Variants in DIPK2A observed in about 807,000 individuals in gnomAD.
DIPK2A encodes the protein Golgi Protein of 49 kDa.
Under a neutral mutation model 39.0 loss-of-function variants are expected in DIPK2A, and 27 were observed. The ratio of observed to expected loss-of-function variants is 0.69; its 90% confidence interval spans 0.51 to 0.96. The LOEUF (loss-of-function observed/expected upper bound fraction) is 0.96. Ranked by LOEUF, DIPK2A falls within the 40% of genes least tolerant of loss-of-function variation. DIPK2A has a pLI of 0.00. For synonymous variants in DIPK2A, 298 were observed against 240.8 expected (o/e 1.24, Z -2.20); for missense variants, 528 against 571.3 (o/e 0.92, Z 0.77).
rs538549855 is a variant in DIPK2A at position 143,980,386 on chromosome 3, G to A, written c.658-5157G>A. 7.9e-5 allele frequency among the ~76,000 whole-genome samples: 12 copies of A among 152,170 alleles called. No individual in the cohort carries two copies. The East Asian group carries it at 1.2e-3, about 15-fold the overall frequency. On this transcript the variant is annotated intron_variant, in intron 1 of 2. Coordinates refer to ENST00000315691, the MANE Select transcript of DIPK2A (RefSeq NM_173552.5). ...GGGTTCAAGCAATTCTCCTGCCTCA[G>A]CCTCCCGAGTAGCTGGGATTACAGG...
chr3:143,987,011 C>T (rs1172323966), intron 2 of DIPK2A, among the ~76,000 whole-genome samples: 2 of 152,106 alleles, frequency 1.3e-5, no homozygotes, highest in African/African-American at 2.4e-5. Flanking sequence ...TGGCATGATC[C>T]TATTAAATAC....
At chr3:143,976,739 A>G (rs1179550934) in intron 1 of DIPK2A, among the ~76,000 whole-genome samples, 1 of 152,018 alleles carries the variant, frequency 6.6e-6, no homozygotes, top group East Asian at 1.9e-4. Flanking sequence ...CATTTGCCTT[A>G]AATTTTCTGA....
chr3:143,986,652 G>A (rs1026328092), intron 2 of DIPK2A, among the ~76,000 whole-genome samples: 1 of 151,538 alleles, frequency 6.6e-6, no homozygotes, highest in Non-Finnish European at 1.5e-5. Flanking sequence ...TGAACCCCAG[G>A]GGGCGGAGCC....
rs1559852252 is a variant in DIPK2A, at chr3:143,973,264, CTT to C, written c.657+276_657+277del. 4 of 1,337,358 alleles carry C rather than the reference CTT, an allele frequency of 3.0e-6. No individual in the cohort carries two copies. The South Asian group carries it at 3.8e-5, about 13-fold the overall frequency. 82.8% of individuals were successfully genotyped at this position (1,337,358 alleles called of 1,614,324 possible). A position where few individuals can be genotyped will look rare whatever the true frequency, so the allele number is the denominator to read the frequency against. ...TTTCAACGCCAGAGGGAGTGCGTCT[CTT>C]AACACTCCCCAAAATGTCTCTACTG... is the stretch of plus-strand genomic sequence containing the variant. On this transcript the variant is annotated intron_variant, in intron 1 of 2. Coordinates refer to ENST00000315691, the MANE Select transcript of DIPK2A (RefSeq NM_173552.5).
chr3:143,974,301 G>T (rs944407604), intron 1 of DIPK2A, among the ~76,000 whole-genome samples: 1 of 152,096 alleles, frequency 6.6e-6, no homozygotes, highest in Non-Finnish European at 1.5e-5. Context: ...TTTAGTGTGG[G>T]TCTTAGTAAA....
At chr3:143,983,960 C>G (rs1006513432) in intron 1 of DIPK2A, among the ~76,000 whole-genome samples, 1 of 152,224 alleles carries the variant, frequency 6.6e-6, no homozygotes, top group African/African-American at 2.4e-5. Context: ...GCTAGATCTT[C>G]TGGATAATTT....
intron 1 of DIPK2A, among the ~76,000 whole-genome samples, chr3:143,977,235 C>T (rs944966818): frequency 6.4e-4 from 98 of 152,082 alleles, no homozygotes; most frequent in Non-Finnish European, 1.8e-4. Flanking sequence ...ATTGGACTCA[C>T]TTCCTTCTTT....
chr3:143,973,288 A>C (rs1168597111), intron 1 of DIPK2A: 1 of 1,473,200 alleles, frequency 6.8e-7, no homozygotes, highest in Admixed American at 2.0e-5. Flanking sequence ...AAATGTCTCT[A>C]CTGCGAGTTT....
At chr3:143,989,143 T>G (rs893025100) in intron 2 of DIPK2A, among the ~76,000 whole-genome samples, 1 of 152,220 alleles carries the variant, frequency 6.6e-6, no homozygotes. Flanking sequence ...TTGTTTTCTT[T>G]TAAGACCTAA....
Position 143,976,529 on chromosome 3 carries a change from A to AGT in DIPK2A, c.657+3541_657+3542insTG, listed in dbSNP as rs1339190658. Among the ~76,000 whole-genome samples, 25 of 112,256 alleles carry AGT rather than the reference A, an allele frequency of 2.2e-4. 1 individual carries two copies. Among genetic ancestry groups the AGT allele is most frequent in the African/African-American group, 1.0e-3 (21 of 20,590 alleles). The allele number at this position is 112,256 out of a possible 152,430, so 73.6% of individuals were successfully genotyped here. On this transcript the variant is annotated intron_variant, in intron 1 of 2. Transcript: ENST00000315691. Reference sequence around the variant, plus strand: ...TAACCTATTGAATTTACAGAAAGGGAGAGTGTGTGTGTGTGTGTGTGTGTG... The same window carrying AGT: ...TAACCTATTGAATTTACAGAAAGGGAGTGAGTGTGTGTGTGTGTGTGTGTGTG...
chr3:143,990,426 G>GTTTTTTTTTTT lies in DIPK2A; in HGVS notation c.*593_*603dup, dbSNP rs368566375. ...AGGGCAGGATTCCCAGGTTTACTGT[G>GTTTTTTTTTTT]TTTTTTTTTTTTTTTTTTAAAGAAA... On this transcript the variant is annotated 3_prime_UTR_variant, in exon 3 of 3. Coordinates refer to ENST00000315691, the MANE Select transcript of DIPK2A (RefSeq NM_173552.5). The GTTTTTTTTTTT allele has an allele frequency of 1.0e-5, 1 of 96,682 alleles. No individual in the cohort carries two copies. The highest frequency in any genetic ancestry group is 2.3e-5 in the Non-Finnish European group (1 of 44,332). The allele number at this position is 96,682 out of a possible 1,614,324, so 6.0% of individuals were successfully genotyped here.
rs1248168131 is a variant in DIPK2A at position 143,973,336 on chromosome 3, C to T, written c.657+347C>T. 4.5e-6 allele frequency: 7 copies of T among 1,540,930 alleles called. No homozygotes were observed. In the Admixed American group the frequency reaches 7.9e-5, roughly 17 times the overall value. On this transcript the variant is annotated intron_variant, in intron 1 of 2. Transcript: ENST00000315691. ...TACCCTGCCTTTCTGCTTTTATCTG[C>T]CGGGGCTTGCAGGTCCGCGGCGCAG... is the stretch of plus-strand genomic sequence containing the variant.
chr3:143,972,232 C>T lies in DIPK2A; in HGVS notation c.-101C>T. ...TCCGCCCCAGCCCGCGCGCTAGCTC[C>T]TTCTCTCGCCCGGGGTTCCTGCCGG... On this transcript the variant is annotated 5_prime_UTR_variant, in exon 1 of 3. Coordinates refer to ENST00000315691, the MANE Select transcript of DIPK2A (RefSeq NM_173552.5). The T allele has an allele frequency of 4.4e-6, 5 of 1,148,352 alleles. No individual in the cohort carries two copies. The highest frequency in any genetic ancestry group is 5.7e-6 in the Non-Finnish European group (5 of 878,476). The allele number at this position is 1,148,352 out of a possible 1,614,324, so 71.1% of individuals were successfully genotyped here.
At chr3:143,976,976 G>A (rs2087739845) in intron 1 of DIPK2A, among the ~76,000 whole-genome samples, 1 of 151,894 alleles carries the variant, frequency 6.6e-6, no homozygotes, top group Non-Finnish European at 1.5e-5. Context: ...CTCATTTGGG[G>A]TATGGATCAC....
Position 143,989,862 on chromosome 3 carries a change from T to C in DIPK2A, c.*21T>C. The C allele has an allele frequency of 6.3e-7, 1 of 1,580,070 alleles. No individual in the cohort carries two copies. Among genetic ancestry groups the C allele is most frequent in the Non-Finnish European group, 8.7e-7 (1 of 1,155,434 alleles). On this transcript the variant is annotated 3_prime_UTR_variant, in exon 3 of 3. Coordinates refer to ENST00000315691, the MANE Select transcript of DIPK2A (RefSeq NM_173552.5). Reference sequence around the variant, plus strand: ...GGTAGTCTATGGTGAACTTTTCTTTTTTTCTCCATTTAAACAGCACTGGCT... The same window carrying C: ...GGTAGTCTATGGTGAACTTTTCTTTCTTTCTCCATTTAAACAGCACTGGCT...
intron 1 of DIPK2A, among the ~76,000 whole-genome samples, chr3:143,975,529 T>A (rs2087716879): frequency 6.6e-6 from 1 of 152,124 alleles, no homozygotes; most frequent in Non-Finnish European, 1.5e-5. Flanking sequence ...TGCTGTACAG[T>A]AAGTCAAACC....
At position 143,990,580 on chromosome 3, in the gene DIPK2A, T is replaced by A. The variant is rs1324076547; in HGVS notation, c.*739T>A. The A allele has an allele frequency of 6.6e-6, 1 of 152,534 alleles. No individual in the cohort carries two copies. The highest frequency in any genetic ancestry group is 2.4e-5 in the African/African-American group (1 of 41,440). The allele number at this position is 152,534 out of a possible 1,614,324, so 9.4% of individuals were successfully genotyped here. On this transcript the variant is annotated 3_prime_UTR_variant, in exon 3 of 3. Transcript: ENST00000315691. ...AATAATTAGAAGTGTACACTAAACA[T>A]GAAGTTTGGCATATGTTGCAAAATG... is the stretch of plus-strand genomic sequence containing the variant.
Position 143,972,564 on chromosome 3 carries a change from G to T in DIPK2A, c.232G>T (p.Gly78Cys). Residue 78 changes from glycine to cysteine, a missense_variant, in exon 1 of 3, where the codon GGC becomes TGC. This residue lies in a region of DIPK2A where 309 missense variants were observed against 289.8 expected (regional missense o/e 1.07). Transcript: ENST00000315691. ...CGGGCAGGTGGTATTCGAGGCGTGG[G>T]GCCGCTTGCGCCTGCTGGACTTCCT... is the stretch of plus-strand genomic sequence containing the variant. ...LNGQVVFEAWGRLRLLDFLNV... is the reference protein window; with the variant it reads ...LNGQVVFEAWCRLRLLDFLNV... 1 of 1,612,324 alleles carries T rather than the reference G, an allele frequency of 6.2e-7. No individual in the cohort carries two copies.
Position 143,989,568 on chromosome 3 carries a change from G to A in DIPK2A, c.1020G>A (p.Glu340=). The A allele has an allele frequency of 6.2e-7, 1 of 1,614,148 alleles. No homozygotes were observed. The part of the protein sequence containing the change: ...YESKFDDCDK[E]ACLSFSKEIL... ...GCAAGTTTGATGACTGTGATAAGGA[G>A]GCTTGCTTATCATTTTCAAAAGAAA... The change falls in exon 3 of 3, where the codon GAG becomes GAA. Residue 340 remains glutamate (E), a synonymous_variant. Coordinates refer to ENST00000315691, the MANE Select transcript of DIPK2A (RefSeq NM_173552.5).
Sources: gnomAD v4.1 joint callset for allele counts (sites outside exome capture counted in the v4.1 genomes callset) on GRCh38, gnomAD v4.1.1 for gene constraint, gnomAD v4.1.1 regional missense constraint, MANE v1.5 for transcripts, NCBI Gene and HGNC (gene_info 2026-07-23, HGNC 2026-07-21) for gene names.